MYLK4: variants seen among roughly 807,000 people sequenced by gnomAD.
MYLK4 encodes myosin light chain kinase family member 4, also known as caMLCK like.
MYLK4 carries 46 observed loss-of-function variants against 48.1 expected under a neutral mutation model. The ratio of observed to expected loss-of-function variants is 0.96; its 90% confidence interval spans 0.75 to 1.22. The LOEUF is 1.22. MYLK4 is among the 50% of genes most tolerant of loss of function. MYLK4 has a pLI of 0.00. For synonymous variants in MYLK4, 170 were observed against 180.8 expected, an observed-to-expected ratio of 0.94 and a Z score of 0.48; for missense variants, 451 against 486.1, an observed-to-expected ratio of 0.93 and a Z score of 0.68.
At chr6:2,721,530 T>C (rs999263676) in intron 2 of MYLK4, among the ~76,000 whole-genome samples, 5 of 129,806 alleles carry the variant, frequency 3.9e-5, no homozygotes. Flanking sequence ...ACTTTTATTT[T>C]CTTTCCCTTT....
chr6:2,764,609 CTT>C, the MYLK4 span, among the ~76,000 whole-genome samples: 1 of 152,156 alleles, frequency 6.6e-6, no homozygotes, highest in East Asian at 1.9e-4. Flanking sequence ...GACTACCACA[CTT>C]GTTTTAATCT....
At chr6:2,765,502 G>A in the MYLK4 span, 9 of 1,238,126 alleles carry the variant, frequency 7.3e-6, no homozygotes, top group South Asian at 4.8e-5. Context: ...GCCCGCGAGC[G>A]TCCTGCTGGT....
At position 2,683,135 on chromosome 6, in the gene MYLK4, G is replaced by A; in HGVS notation, c.573C>T (p.Arg191=). The A allele has an allele frequency of 6.2e-7, 1 of 1,614,120 alleles. No individual in the cohort carries two copies. Among genetic ancestry groups the A allele is most frequent in the South Asian group, 1.1e-5 (1 of 91,068 alleles). Residue 191 remains arginine, a synonymous_variant, in exon 7 of 13, where the codon CGC becomes CGT. Transcript: ENST00000274643. ...EYVDGGELFD[R]IIDESYNLTE... ...TCAAATTGTAGCTCTCATCGATGAT[G>A]CGGTCAAACAGCTCCCCACCATCCA... is the stretch of plus-strand genomic sequence containing the variant.
the MYLK4 span, among the ~76,000 whole-genome samples, chr6:2,764,808 C>T: frequency 6.6e-6 from 1 of 152,184 alleles, no homozygotes; most frequent in African/African-American, 2.4e-5. Flanking sequence ...GCCAACACAT[C>T]TAAAAGGGGG....
chr6:2,670,315 A>G (rs540821850), intron 12 of MYLK4, among the ~76,000 whole-genome samples: 6 of 152,250 alleles, frequency 3.9e-5, no homozygotes, highest in Admixed American at 6.5e-5. Flanking sequence ...GCAGTGAGCC[A>G]AGATCGCACC....
In MYLK4 at chr6:2,666,656, G is replaced by A. The variant is rs1760666076; in HGVS notation, c.*1269C>T. 6.6e-6 allele frequency: 1 copy of A among 152,240 alleles called. No individual in the cohort carries two copies. Among genetic ancestry groups the A allele is most frequent in the South Asian group, 2.1e-4 (1 of 4,828 alleles). 9.4% of individuals were successfully genotyped at this position (152,240 alleles called of 1,614,324 possible). ...GAGTTCAGCGGGTAACAGGAATTTT[G>A]TGGGGCTTTTCCTTGCCTCTCCTTC... On this transcript the variant is annotated 3_prime_UTR_variant, in exon 13 of 13. Transcript: ENST00000274643.
At chr6:2,763,377 T>G in the MYLK4 span, among the ~76,000 whole-genome samples, 3 of 152,154 alleles carry the variant, frequency 2.0e-5, no homozygotes, top group Admixed American at 6.5e-5. Flanking sequence ...CTGGGTGCCG[T>G]GAGGCAGTAA....
chr6:2,750,044 A>G (rs1582135026), intron 1 of MYLK4, among the ~76,000 whole-genome samples: 2 of 152,208 alleles, frequency 1.3e-5, no homozygotes, highest in East Asian at 3.8e-4. Flanking sequence ...AATGCAGCAT[A>G]CATAATTCGC....
chr6:2,697,052 C>T (rs1028189691), intron 2 of MYLK4, among the ~76,000 whole-genome samples: 1 of 152,038 alleles, frequency 6.6e-6, no homozygotes, highest in African/African-American at 2.4e-5. Context: ...GAGAGAGACT[C>T]CGTCTCAAAA....
In MYLK4 at chr6:2,665,688, TCTC is replaced by T. The variant is rs1360819633; in HGVS notation, c.*2234_*2236del. 2 of 152,118 alleles carry T rather than the reference TCTC, an allele frequency of 1.3e-5. No homozygotes were observed. The highest frequency in any genetic ancestry group is 1.5e-5 in the Non-Finnish European group (1 of 68,044). 9.4% of individuals were successfully genotyped at this position (152,118 alleles called of 1,614,324 possible). On this transcript the variant is annotated 3_prime_UTR_variant, in exon 13 of 13. Transcript: ENST00000274643. The stretch of plus-strand genomic sequence containing the variant: ...TGCAAATTGCACGTCGTGCAAAAGA[TCTC>T]CTGCTTGATTTGGTAGAGAATGCAC...
At chr6:2,684,267 G>A (rs146448720) in intron 6 of MYLK4, among the ~76,000 whole-genome samples, 1 of 152,260 alleles carries the variant, frequency 6.6e-6, no homozygotes, top group East Asian at 1.9e-4. Flanking sequence ...GCTGGACAAA[G>A]GGATGATTCA....
intron 2 of MYLK4, among the ~76,000 whole-genome samples, chr6:2,716,715 C>T (rs1762878096): frequency 6.6e-6 from 1 of 152,238 alleles, no homozygotes; most frequent in South Asian, 2.1e-4. Flanking sequence ...CAAATCCTGA[C>T]TTGGCCATTT....
chr6:2,683,433 G>T (rs545510758), intron 6 of MYLK4, among the ~76,000 whole-genome samples: 141 of 140,636 alleles, frequency 1.0e-3, no homozygotes, highest in Non-Finnish European at 1.7e-3. Flanking sequence ...GTGTGTGTGT[G>T]TTTTGAGATG....
At chr6:2,733,662 A>G (rs1388066045) in intron 2 of MYLK4, among the ~76,000 whole-genome samples, 1 of 152,160 alleles carries the variant, frequency 6.6e-6, no homozygotes. Context: ...ATCCCTAGCA[A>G]TGACACAATA....
chr6:2,766,559 A>C, the MYLK4 span: 4 of 1,400,510 alleles, frequency 2.9e-6, no homozygotes, highest in African/African-American at 5.8e-5. Flanking sequence ...CTCCTGGATA[A>C]GGGGGTGCAG....
the MYLK4 span, chr6:2,768,569 G>C: frequency 1.5e-6 from 1 of 685,804 alleles, no homozygotes; most frequent in African/African-American, 1.8e-5. Context: ...GTGCTGCTCA[G>C]CATTCTTCCG....
Position 2,729,789 on chromosome 6 carries a change from C to G in MYLK4, c.159+19347G>C, listed in dbSNP as rs34556262. Among the ~76,000 whole-genome samples, 234 of 152,142 alleles carry G rather than the reference C, an allele frequency of 1.5e-3. 1 individual carries two copies. Among genetic ancestry groups the G allele is most frequent in the Non-Finnish European group, 2.4e-3 (160 of 67,992 alleles). ...AAGTTTCTGACAACCTACAAAGAAC[C>G]CTGTTAGGACCTATATGAAGGCAGT... On this transcript the variant is annotated intron_variant, in intron 2 of 12. Transcript: ENST00000274643.
chr6:2,688,896 G>T lies in MYLK4; in HGVS notation c.296C>A (p.Ala99Glu), dbSNP rs771991937. The T allele has an allele frequency of 2.5e-6, 4 of 1,614,164 alleles. No individual in the cohort carries two copies. The highest frequency in any genetic ancestry group is 1.7e-5 in the Admixed American group (1 of 60,020). The change falls in exon 4 of 13, where the codon GCG (alanine) becomes GAG (glutamate). Residue 99 changes from alanine to glutamate, a missense_variant. By Grantham distance (107) the Ala-to-Glu change is moderately radical. Transcript: ENST00000274643. ...DHRIVTAKQG[A>E]VNSFYTVSKT... ...GCTCACAGTATAGAAGCTGTTGACC[G>T]CTCCTTGCTTGGCTGTCACAATACG...
the MYLK4 span, chr6:2,766,570 A>G: frequency 7.2e-7 from 1 of 1,387,648 alleles, no homozygotes. Context: ...GGGGGTGCAG[A>G]CTTGGGCTGG....
Sources: gnomAD v4.1 joint callset for allele counts (sites outside exome capture counted in the v4.1 genomes callset) on GRCh38, gnomAD v4.1.1 for gene constraint, MANE v1.5 for transcripts, NCBI Gene and HGNC (gene_info 2026-07-23, HGNC 2026-07-21) for gene names.